PRMT7: variants seen among roughly 807,000 people sequenced by gnomAD.
The protein encoded by PRMT7 is protein arginine methyltransferase 7.
In PRMT7, 75 loss-of-function variants were observed where a neutral mutation model predicts 85.4. That is an observed-to-expected ratio of 0.88 (90% confidence interval 0.73 to 1.06). The LOEUF (loss-of-function observed/expected upper bound fraction) is 1.06. Among genes scored for constraint, PRMT7 ranks in the 50% least tolerant of loss-of-function variants. PRMT7 has a pLI of 0.00. For missense variants in PRMT7, 868 were observed against 915.2 expected, an observed-to-expected ratio of 0.95 and a Z score of 0.67; for synonymous variants, 397 against 359.5, an observed-to-expected ratio of 1.10 and a Z score of -1.18.
chr16:68,345,640 A>C, intron 9 of PRMT7, 35 bp from the exon 10 acceptor site: 2 of 1,611,740 alleles, frequency 1.2e-6, no homozygotes, highest in Non-Finnish European at 1.7e-6. Flanking sequence ...CTCATACTGC[A>C]GCTCGTTGAC....
chr16:68,321,017 C>T (rs1024358094), intron 3 of PRMT7, among the ~76,000 whole-genome samples: 2 of 151,788 alleles, frequency 1.3e-5, no homozygotes, highest in Non-Finnish European at 2.9e-5. Flanking sequence ...ACCTGTAATC[C>T]CAGCACTTTA....
chr16:68,360,601 C>T (rs2089199848), downstream of PRMT7: 1 of 153,154 alleles, frequency 6.5e-6, no homozygotes, highest in Admixed American at 6.5e-5. Context: ...AATGCGAGAC[C>T]CTGGGAAGAG....
At chr16:68,316,296 G>T (rs2081846731) in intron 3 of PRMT7, among the ~76,000 whole-genome samples, 4 of 152,184 alleles carry the variant, frequency 2.6e-5, no homozygotes. Context: ...AGCCTTAGCA[G>T]AGCCTCAGCA....
At chr16:68,333,806 T>C (rs1445871455) in intron 6 of PRMT7, among the ~76,000 whole-genome samples, 1 of 152,094 alleles carries the variant, frequency 6.6e-6, no homozygotes, top group Non-Finnish European at 1.5e-5. Flanking sequence ...ATAGAGTGGC[T>C]CTGTCGCCCA....
In PRMT7 at chr16:68,324,583, A is replaced by C. The variant is rs555684125; in HGVS notation, c.133-100A>C. The C allele has an allele frequency of 4.2e-6, 6 of 1,444,896 alleles. No individual in the cohort carries two copies. In the African/African-American group the frequency reaches 5.6e-5, roughly 14 times the overall value. 89.5% of individuals were successfully genotyped at this position (1,444,896 alleles called of 1,614,324 possible). A position where few individuals can be genotyped will look rare whatever the true frequency, so the allele number is the denominator to read the frequency against. ...GGGCCAGAAAGGCCATAGGGCCCTG[A>C]CTTGCACTGCCACTGCCAGCTGTGA... On this transcript the variant is annotated intron_variant, in intron 4 of 18. Transcript: ENST00000441236.
At chr16:68,335,164 A>G (rs772129766) in intron 6 of PRMT7, among the ~76,000 whole-genome samples, 1 of 152,228 alleles carries the variant, frequency 6.6e-6, no homozygotes, top group Non-Finnish European at 1.5e-5. Context: ...TGGTTTAAAC[A>G]TTCAGGAGAT....
intron 6 of PRMT7, among the ~76,000 whole-genome samples, chr16:68,332,048 A>G (rs1672768585): frequency 6.6e-6 from 1 of 151,986 alleles, no homozygotes; most frequent in Non-Finnish European, 1.5e-5. Flanking sequence ...TGAGTGCTAG[A>G]CTTCGTTGGT....
chr16:68,313,044 C>G (rs919938174), intron 2 of PRMT7, among the ~76,000 whole-genome samples: 7 of 152,098 alleles, frequency 4.6e-5, no homozygotes, highest in Admixed American at 1.3e-4. Context: ...AGGCTGGTCT[C>G]GAACTCCTGA....
rs7190134 is a variant in PRMT7 at position 68,347,613 on chromosome 16, G to A, written c.1276-18G>A. The A allele has an allele frequency of 0.12, 191,708 of 1,607,426 alleles. 12,220 individuals carry two copies. Among genetic ancestry groups the A allele is most frequent in the African/African-American group, 0.16 (12,216 of 74,826 alleles). On this transcript the variant is annotated intron_variant, in intron 12 of 18. Transcript: ENST00000441236. ...TTAAGTGAATATCTTACAACTAATA[G>A]CGTGGTGTTCCCTCTAGGTGTTTAC...
chr16:68,313,875 T>G (rs2044314140), intron 2 of PRMT7, among the ~76,000 whole-genome samples: 1 of 152,156 alleles, frequency 6.6e-6, no homozygotes, highest in Non-Finnish European at 1.5e-5. Context: ...TTTAAGGCTG[T>G]AGAGTGTAAT....
At chr16:68,341,558 C>T (rs986588686) in intron 9 of PRMT7, among the ~76,000 whole-genome samples, 4 of 152,212 alleles carry the variant, frequency 2.6e-5, no homozygotes, top group East Asian at 1.9e-4. Context: ...TACGGGCATG[C>T]GCCACCATGC....
chr16:68,353,514 C>T lies in PRMT7; in HGVS notation c.1598C>T (p.Pro533Leu). Residue 533 changes from proline to leucine, a missense_variant, in exon 16 of 19, where the codon CCC becomes CTC. Pro to Leu is a moderately conservative substitution (Grantham distance 98, BLOSUM62 -3). Transcript: ENST00000441236. ...CAGGACCTGTGGCGGATCCGGAGCC[C>T]CTGTGGTGACTGCGAAGGCTTCGAC... is the stretch of plus-strand genomic sequence containing the variant. The part of the protein sequence containing the change: ...EFRDLWRIRS[P>L]CGDCEGFDVH... 1 of 1,607,092 alleles carries T rather than the reference C, an allele frequency of 6.2e-7. No homozygotes were observed.
intron 4 of PRMT7, 81 bp downstream of exon 4, chr16:68,321,543 G>T (rs538255477): frequency 3.7e-6 from 5 of 1,357,038 alleles, no homozygotes; most frequent in Non-Finnish European, 5.2e-6. Context: ...ATCCCTGGGG[G>T]TCATGATGTT....
chr16:68,315,851 C>T, intron 2 of PRMT7, 46 bp from the exon 3 acceptor site: 17 of 747,024 alleles, frequency 2.3e-5, no homozygotes, highest in Admixed American at 1.3e-4. Context: ...GATTTTTTTT[C>T]TGTTCGTTTG....
At chr16:68,347,076 T>A in intron 11 of PRMT7, 135 bp from the exon 12 acceptor site, 1 of 728,906 alleles carries the variant, frequency 1.4e-6, no homozygotes, top group Non-Finnish European at 2.3e-6. Flanking sequence ...GGGTGGTTAC[T>A]GCATGAGGAC....
At chr16:68,356,958 T>G in intron 18 of PRMT7, 96 bp from the exon 19 acceptor site, 1 of 1,440,738 alleles carries the variant, frequency 6.9e-7, no homozygotes, top group Non-Finnish European at 9.4e-7. Flanking sequence ...CCTGAGCAGC[T>G]TCTCTCTGCT....
At chr16:68,337,789 T>G (rs2084919978) in intron 7 of PRMT7, among the ~76,000 whole-genome samples, 1 of 152,212 alleles carries the variant, frequency 6.6e-6, no homozygotes, top group African/African-American at 2.4e-5. Flanking sequence ...AGCAAGAAAC[T>G]ATATTCAAAT....
At chr16:68,328,953 T>C (rs2083474781) in intron 5 of PRMT7, 113 bp from the exon 6 acceptor site, 1 of 682,814 alleles carries the variant, frequency 1.5e-6, no homozygotes, top group Non-Finnish European at 2.5e-6. Flanking sequence ...GAATAAAGTA[T>C]TTAAGTTACA....
chr16:68,347,190 G>A, intron 11 of PRMT7, 21 bp from the exon 12 acceptor site: 1 of 1,549,846 alleles, frequency 6.5e-7, no homozygotes, highest in Non-Finnish European at 8.7e-7. Flanking sequence ...GCCCTGTGCT[G>A]AGCTTGCCTG....
Sources: gnomAD v4.1 joint callset for allele counts (sites outside exome capture counted in the v4.1 genomes callset) on GRCh38, gnomAD v4.1.1 for gene constraint, MANE v1.5 for transcripts, NCBI Gene and HGNC (gene_info 2026-07-23, HGNC 2026-07-21) for gene names.